The following GGT1 variants were observed in gnomAD, a reference collection of about 807,000 sequenced individuals.
The protein encoded by GGT1 is gamma-glutamyltransferase 1, also known as glutathione hydrolase 1 proenzyme.
Under a neutral mutation model 56.0 loss-of-function variants are expected in GGT1, and 21 were observed. The observed-to-expected ratio is 0.38, with a 90% CI of 0.27 to 0.54. The LOEUF is 0.54. GGT1 is among the 20% of genes least tolerant of loss of function. The pLI, the probability that GGT1 is intolerant of heterozygous loss-of-function variation, is 0.82. For synonymous variants in GGT1, 238 were observed against 342.6 expected (o/e 0.69, Z 3.37); for missense variants, 466 against 787.0 (o/e 0.59, Z 4.88).
chr22:24,592,942 C>G (rs1196364372), upstream of GGT1: 2 of 1,227,566 alleles, frequency 1.6e-6, no homozygotes, highest in African/African-American at 1.6e-5. Flanking sequence ...GCGGAGCCAC[C>G]GCACCCGGCG....
At chr22:24,606,309 C>T (rs2046321564) in intron 1 of GGT1, among the ~76,000 whole-genome samples, 1 of 151,386 alleles carries the variant, frequency 6.6e-6, no homozygotes, top group East Asian at 1.9e-4. Context: ...CACAACAGGC[C>T]CCAGTGTGTG....
In GGT1 at chr22:24,620,592, G is replaced by A. The variant is rs140120897; in HGVS notation, c.575+72G>A. On this transcript the variant is annotated intron_variant, in intron 8 of 15. Transcript: ENST00000400382. This position sits in a 1 kb window ranked among gnomAD's most constrained non-coding sequence, Gnocchi z 5.6. Reference sequence around the variant, plus strand: ...CCCAAGGACCTTGCAGGCCGTAGCAGCAGTGGAGCAGCCCTCTGCCTTCAG... The same window carrying A: ...CCCAAGGACCTTGCAGGCCGTAGCAACAGTGGAGCAGCCCTCTGCCTTCAG... The A allele has an allele frequency of 2.2e-3, 3,580 of 1,607,110 alleles. 83 individuals are homozygous for A. The African/African-American group carries it at 0.043, about 19-fold the overall frequency.
In GGT1 at chr22:24,614,911, G is replaced by A. The variant is rs879173939; in HGVS notation, c.295+5G>A. On this transcript the variant is annotated splice_donor_5th_base_variant and intron_variant, in intron 6 of 15. Transcript: ENST00000400382. Reference sequence around the variant, plus strand: ...CCATCTACAACAGCACCACACGTGAGTGCCTCGGGAGAGGAGAGGGAGAGG... The same window carrying A: ...CCATCTACAACAGCACCACACGTGAATGCCTCGGGAGAGGAGAGGGAGAGG... 2 of 1,613,210 alleles carry A rather than the reference G, an allele frequency of 1.2e-6. No homozygotes were observed. The highest frequency in any genetic ancestry group is 1.7e-6 in the Non-Finnish European group (2 of 1,179,604).
upstream of GGT1, among the ~76,000 whole-genome samples, chr22:24,601,640 C>T (rs2045783624): frequency 6.6e-6 from 1 of 152,236 alleles, no homozygotes; most frequent in Non-Finnish European, 1.5e-5. Flanking sequence ...GACTGTGTGG[C>T]TGGATGCTGA....
intron 1 of GGT1, among the ~76,000 whole-genome samples, chr22:24,605,917 T>C (rs1327752105): frequency 1.7e-5 from 1 of 58,916 alleles, no homozygotes; most frequent in African/African-American, 7.4e-5. Flanking sequence ...TATTATATGA[T>C]GTGTATTATA....
intron 9 of GGT1, among the ~76,000 whole-genome samples, chr22:24,622,169 A>G (rs892484304): frequency 4.9e-5 from 7 of 142,160 alleles, no homozygotes; most frequent in African/African-American, 1.8e-4. Flanking sequence ...CCTGGGCAAC[A>G]TAGTGAGTCT....
At position 24,624,493 on chromosome 22, in the gene GGT1, G is replaced by T. The variant is rs2047628488; in HGVS notation, c.1020+577G>T. 3 of 962,146 alleles carry T rather than the reference G, an allele frequency of 3.1e-6. No individual in the cohort carries two copies. In the South Asian group the frequency reaches 1.4e-4, roughly 46 times the overall value. The allele number at this position is 962,146 out of a possible 1,614,324, so 59.6% of individuals were successfully genotyped here. ...TGCAGACCCCCCCACACTGACCAGT[G>T]ACCTCCCAGGAGGGGCGTCAGCTGC... On this transcript the variant is annotated intron_variant, in intron 11 of 15. Coordinates refer to ENST00000400382, the MANE Select transcript of GGT1 (RefSeq NM_001288833.2).
At chr22:24,608,404 G>C (rs1224519115) in intron 2 of GGT1, among the ~76,000 whole-genome samples, 1 of 152,224 alleles carries the variant, frequency 6.6e-6, no homozygotes, top group Admixed American at 6.5e-5. Context: ...TGGGCCTTTG[G>C]GTAGACAGAT....
upstream of GGT1, among the ~76,000 whole-genome samples, chr22:24,599,925 G>T (rs1281204606): frequency 6.6e-6 from 1 of 152,250 alleles, no homozygotes; most frequent in East Asian, 1.9e-4. Context: ...GCTTGGGCAT[G>T]TCACCAGGGA....
the GGT1 span, chr22:24,589,059 C>A: frequency 1.8e-5 from 19 of 1,030,322 alleles, no homozygotes; most frequent in Admixed American, 5.8e-5. Context: ...TGGCCGTGGG[C>A]TAGGCGCAGA....
At chr22:24,626,388 C>T (rs574012297) in intron 11 of GGT1, among the ~76,000 whole-genome samples, 5 of 111,690 alleles carry the variant, frequency 4.5e-5, no homozygotes, top group Admixed American at 1.9e-4. Flanking sequence ...CTCATCTCCT[C>T]GCCACTGCCT....
At chr22:24,588,292 C>A in the GGT1 span, 3,021 of 1,613,520 alleles carry the variant, frequency 1.9e-3, 47 homozygotes, top group African/African-American at 0.035. Context: ...GATGAGCTGT[C>A]GGCAGATCTT....
chr22:24,623,423 G>A (rs1415435586), intron 10 of GGT1, among the ~76,000 whole-genome samples, 167 bp downstream of exon 10: 1 of 151,838 alleles, frequency 6.6e-6, no homozygotes, highest in Non-Finnish European at 1.5e-5. Flanking sequence ...GAAGGAGGCA[G>A]TGCAGAGCGA....
At chr22:24,590,637 G>A (rs1303943416), upstream of GGT1, among the ~76,000 whole-genome samples, 2 of 152,278 alleles carry the variant, frequency 1.3e-5, no homozygotes, top group East Asian at 3.9e-4. Context: ...GTCCCCCAGT[G>A]TTCCCTTCAG....
chr22:24,609,071 A>T (rs1284109098), intron 2 of GGT1: 1 of 152,126 alleles, frequency 6.6e-6, no homozygotes. Context: ...CTTAACCCTG[A>T]CCCGGACTCC....
chr22:24,603,758 T>G, intron 1 of GGT1, among the ~76,000 whole-genome samples: 4 of 128,436 alleles, frequency 3.1e-5, no homozygotes, highest in African/African-American at 5.8e-5. Flanking sequence ...CAGCCCTGAG[T>G]GGGGGCGGGG....
At chr22:24,614,971 G>A (rs2046967376) in intron 6 of GGT1, 65 bp downstream of exon 6, 3 of 1,581,102 alleles carry the variant, frequency 1.9e-6, no homozygotes, top group Non-Finnish European at 2.6e-6. Flanking sequence ...GGCACAGCTG[G>A]GCGGTCCCCA....
intron 4 of GGT1, among the ~76,000 whole-genome samples, 169 bp from the exon 5 acceptor site, chr22:24,610,906 G>T (rs535605064): frequency 0.013 from 1,967 of 151,854 alleles, 38 homozygotes; most frequent in African/African-American, 0.044. Context: ...CAGAGGGCAT[G>T]GCCTGCGCAA....
At chr22:24,589,865 C>T, upstream of GGT1, 1 of 1,613,938 alleles carries the variant, frequency 6.2e-7, no homozygotes, top group Middle Eastern at 1.7e-4. Flanking sequence ...ACAAGCAGGT[C>T]ATGGGAGATG....
Sources: gnomAD v4.1 joint callset for allele counts (sites outside exome capture counted in the v4.1 genomes callset) on GRCh38, gnomAD v4.1.1 for gene constraint, Gnocchi (gnomAD v3.1) non-coding constraint, MANE v1.5 for transcripts, NCBI Gene and HGNC (gene_info 2026-07-23, HGNC 2026-07-21) for gene names.